The following SKI variants were observed in gnomAD, a reference collection of about 807,000 sequenced individuals.
SKI encodes SKI proto-oncogene.
Under a neutral mutation model 59.3 loss-of-function variants are expected in SKI, and 23 were observed. The observed-to-expected ratio is 0.39, with a 90% CI of 0.28 to 0.55. The LOEUF (loss-of-function observed/expected upper bound fraction) is 0.55. Ranked by LOEUF, SKI falls within the 20% of genes least tolerant of loss-of-function variation. The probability of loss-of-function intolerance (pLI) is 0.67; values close to 1 mark genes in which losing one functional copy is unlikely to be tolerated. For synonymous variants in SKI, 673 were observed against 488.6 expected, an observed-to-expected ratio of 1.38 and a Z score of -4.98; for missense variants, 1,017 against 1,038.9, an observed-to-expected ratio of 0.98 and a Z score of 0.29.
rs527506192 is a variant in SKI, at chr1:2,254,619, G to A, written c.969+24884G>A. ...TGGCCTTGTGCCTAGACTTGTGGCC[G>A]TCACCACTATCTCTGGGGAGGGGTG... is the stretch of plus-strand genomic sequence containing the variant. On this transcript the variant is annotated intron_variant, in intron 1 of 6. Transcript: ENST00000378536. Among the ~76,000 whole-genome samples the A allele has an allele frequency of 6.6e-5, 10 of 152,230 alleles. No homozygotes were observed. The South Asian group carries it at 1.4e-3, about 22-fold the overall frequency.
At position 2,257,781 on chromosome 1, in the gene SKI, C is replaced by T. The variant is rs564264016; in HGVS notation, c.969+28046C>T. Among the ~76,000 whole-genome samples the T allele has an allele frequency of 1.7e-4, 26 of 152,182 alleles. No homozygotes were observed. The Middle Eastern group carries it at 0.014, about 80-fold the overall frequency. On this transcript the variant is annotated intron_variant, in intron 1 of 6. Coordinates refer to ENST00000378536, the MANE Select transcript of SKI (RefSeq NM_003036.4). ...GAGGTGGAACTTTGCTCTTGTTGCC[C>T]AGGCTGGAGTGCAATGGTGTGATCT...
intron 1 of SKI, among the ~76,000 whole-genome samples, chr1:2,275,969 T>C (rs1008255733): frequency 2.0e-5 from 3 of 152,084 alleles, no homozygotes; most frequent in Non-Finnish European, 4.4e-5. Context: ...CCTACACTCC[T>C]GAAGGGAAAT....
chr1:2,240,663 CGAAGT>C (rs746230981), intron 1 of SKI: 33 of 985,322 alleles, frequency 3.3e-5, no homozygotes, highest in Non-Finnish European at 3.7e-5. Flanking sequence ...TGGAATTCTT[CGAAGT>C]GAAGCTCTCT....
chr1:2,233,290 T>G (rs1638682585), intron 1 of SKI, among the ~76,000 whole-genome samples: 2 of 140,130 alleles, frequency 1.4e-5, no homozygotes, highest in Admixed American at 7.0e-5. Context: ...GCCAGGGTCC[T>G]GTTCTGGGCC....
At chr1:2,230,904 G>A (rs1274429409) in intron 1 of SKI, among the ~76,000 whole-genome samples, 1 of 152,124 alleles carries the variant, frequency 6.6e-6, no homozygotes, top group African/African-American at 2.4e-5. Flanking sequence ...TGGGGAGGAG[G>A]GGCTGTGGAT....
In SKI at chr1:2,304,045, G is replaced by A. The variant is rs371772366; in HGVS notation, c.1417G>A (p.Ala473Thr). 78 of 1,612,444 alleles carry A rather than the reference G, an allele frequency of 4.8e-5. No homozygotes were observed. The highest frequency in any genetic ancestry group is 6.5e-5 in the Non-Finnish European group (77 of 1,179,894). The change falls in exon 4 of 7, where the codon GCC (alanine) becomes ACC (threonine). Residue 473 changes from alanine (A) to threonine (T), a missense_variant. Physicochemically the swap from Ala to Thr is moderately conservative, Grantham distance 58. Transcript: ENST00000378536. ...CCCAGAGACGCTGGCGCCCGTGGCT[G>A]CCCCAGAGGAGGACAAGGACTCGGA... ...GAPETLAPVA[A>T]PEEDKDSEAE... is the part of the protein sequence containing the mutation.
In SKI at chr1:2,304,451, C is replaced by A; in HGVS notation, c.1633C>A (p.Leu545Met). The change falls in exon 5 of 7, where the codon CTG (leucine) becomes ATG (methionine). Residue 545 changes from leucine (L) to methionine (M), a missense_variant. Physicochemically the swap from Leu to Met is conservative, Grantham distance 15 (BLOSUM62 2). Transcript: ENST00000378536. ...PSGLEAELEH[L>M]RQALEGGLDT... ...TGGGCTGGAGGCGGAGCTGGAGCAC[C>A]TGCGGCAGGCACTGGAGGGCGGCCT... is the stretch of plus-strand genomic sequence containing the variant. 6.4e-7 allele frequency: 1 copy of A among 1,565,616 alleles called. No homozygotes were observed. Among genetic ancestry groups the A allele is most frequent in the Non-Finnish European group, 8.6e-7 (1 of 1,156,280 alleles).
rs182153557 is a variant in SKI, at chr1:2,273,445, G to A, written c.970-29533G>A. Among the ~76,000 whole-genome samples the A allele has an allele frequency of 2.8e-3, 429 of 152,242 alleles. 1 individual carries two copies. The highest frequency in any genetic ancestry group is 8.9e-3 in the African/African-American group (370 of 41,588). On this transcript the variant is annotated intron_variant, in intron 1 of 6. Transcript: ENST00000378536. The stretch of plus-strand genomic sequence containing the variant: ...GGCTGAGATGGGACTTCTCAGCTTG[G>A]CATGGGGAGGGCAGGACGGGGTGGC...
chr1:2,285,758 T>G (rs1569817728), intron 1 of SKI, among the ~76,000 whole-genome samples: 1 of 148,992 alleles, frequency 6.7e-6, no homozygotes. Context: ...GAGATGGGGG[T>G]TTTTACCATG....
At position 2,302,993 on chromosome 1, in the gene SKI, C is replaced by G. The variant is rs770539313; in HGVS notation, c.985C>G (p.Pro329Ala). The change falls in exon 2 of 7, where the codon CCG becomes GCG. Residue 329 changes from proline (P) to alanine (A), a missense_variant. Transcript: ENST00000378536. ...RRVPRVSSEP[P>A]ASIRPKTDDT... ...TTGATCGCAGGTCTCCTCTGAGCCT[C>G]CGGCCTCCATAAGACCCAAAACAGA... 2 of 1,613,610 alleles carry G rather than the reference C, an allele frequency of 1.2e-6. No homozygotes were observed. Among genetic ancestry groups the G allele is most frequent in the Non-Finnish European group, 8.5e-7 (1 of 1,180,038 alleles).
intron 1 of SKI, among the ~76,000 whole-genome samples, chr1:2,299,111 G>T (rs1162254066): frequency 6.6e-6 from 1 of 152,260 alleles, no homozygotes; most frequent in Non-Finnish European, 1.5e-5. Context: ...TGTTCAGAAG[G>T]TTCAAGGAAG....
chr1:2,305,094 C>T (rs1457580728), intron 5 of SKI, among the ~76,000 whole-genome samples: 1 of 152,234 alleles, frequency 6.6e-6, no homozygotes, highest in Admixed American at 6.5e-5. Flanking sequence ...CGGCTCCCGC[C>T]AGGCCTCCCG....
intron 1 of SKI, among the ~76,000 whole-genome samples, chr1:2,231,970 C>T (rs1035000477): frequency 6.6e-6 from 1 of 152,198 alleles, no homozygotes; most frequent in African/African-American, 2.4e-5. Flanking sequence ...TCAGGACAGC[C>T]GTGTGCGTGT....
At chr1:2,287,835 T>TC (rs1640076007) in intron 1 of SKI, among the ~76,000 whole-genome samples, 1 of 152,110 alleles carries the variant, frequency 6.6e-6, no homozygotes, top group Non-Finnish European at 1.5e-5. Context: ...CTCCAGTGTG[T>TC]CCCCGATGGA....
At chr1:2,277,581 C>G (rs1639770800) in intron 1 of SKI, among the ~76,000 whole-genome samples, 1 of 152,244 alleles carries the variant, frequency 6.6e-6, no homozygotes, top group African/African-American at 2.4e-5. Flanking sequence ...AATTAAACCT[C>G]TTTTTGTTCC....
At chr1:2,299,571 TG>T (rs1640374247) in intron 1 of SKI, among the ~76,000 whole-genome samples, 1 of 152,100 alleles carries the variant, frequency 6.6e-6, no homozygotes, top group Non-Finnish European at 1.5e-5. Flanking sequence ...GTAGGGGACA[TG>T]GAGCGTCTCC....
At chr1:2,235,942 A>G (rs1410116983) in intron 1 of SKI, among the ~76,000 whole-genome samples, 1 of 151,292 alleles carries the variant, frequency 6.6e-6, no homozygotes, top group East Asian at 1.9e-4. Flanking sequence ...GTTTGGGGGG[A>G]AACAGATAAA....
intron 1 of SKI, among the ~76,000 whole-genome samples, chr1:2,235,860 A>G (rs1638739928): frequency 2.0e-5 from 3 of 152,156 alleles, no homozygotes; most frequent in African/African-American, 7.2e-5. Context: ...GGCCCTCAGC[A>G]TGTGTCCTGC....
chr1:2,306,388 G>C (rs751467507), intron 6 of SKI, 138 bp downstream of exon 6: 155 of 1,009,904 alleles, frequency 1.5e-4, no homozygotes, highest in Non-Finnish European at 2.1e-4. Flanking sequence ...GTGCCCCCCC[G>C]ACGGGCACAG....
Sources: allele counts gnomAD v4.1 joint callset (sites outside exome capture counted in the v4.1 genomes callset), GRCh38; gene constraint gnomAD v4.1.1; transcripts MANE v1.5; gene names NCBI Gene and HGNC (gene_info 2026-07-23, HGNC 2026-07-21).